The following EIF5B variants were observed in gnomAD, a reference collection of about 807,000 sequenced individuals.
The protein encoded by EIF5B is eIF-5B.
In EIF5B, 47 loss-of-function variants were observed where a neutral mutation model predicts 147.5. The ratio of observed to expected loss-of-function variants is 0.32; its 90% CI spans 0.25 to 0.41. The LOEUF (loss-of-function observed/expected upper bound fraction) is 0.41. Among genes scored for constraint, EIF5B ranks in the 10% least tolerant of loss-of-function variants. The pLI, the probability that EIF5B is intolerant of heterozygous loss-of-function variation, is 1.00. For synonymous variants in EIF5B, 455 were observed against 456.2 expected (o/e 1.00, Z 0.03); for missense variants, 1,064 against 1,413.2 (o/e 0.75, Z 3.96).
intron 1 of EIF5B, among the ~76,000 whole-genome samples, chr2:99,357,201 T>C (rs1003914932): frequency 6.6e-6 from 1 of 152,236 alleles, no homozygotes; most frequent in African/African-American, 2.4e-5. Flanking sequence ...TGTTCTTCAG[T>C]ATTATGTTGA....
intron 1 of EIF5B, among the ~76,000 whole-genome samples, chr2:99,345,323 TG>T (rs1445905214): frequency 6.6e-6 from 1 of 152,198 alleles, no homozygotes; most frequent in African/African-American, 2.4e-5. Context: ...GGCATGGTGG[TG>T]GCTCGTGCCT....
chr2:99,368,949 A>G (rs965774244), intron 7 of EIF5B, among the ~76,000 whole-genome samples: 2 of 152,172 alleles, frequency 1.3e-5, no homozygotes, highest in Admixed American at 6.5e-5. Flanking sequence ...ACATATGACT[A>G]TATTTAAACA....
chr2:99,389,982 T>G (rs1674889517), intron 15 of EIF5B, 133 bp downstream of exon 15: 1 of 1,283,970 alleles, frequency 7.8e-7, no homozygotes. Flanking sequence ...TTTAAATTCT[T>G]CTTCCCTTTT....
chr2:99,362,591 C>T lies in EIF5B; in HGVS notation c.919+771C>T, dbSNP rs375931444. 3.6e-4 allele frequency among the ~76,000 whole-genome samples: 54 copies of T among 151,686 alleles called. 1 individual carries two copies. In the East Asian group the frequency reaches 9.2e-3, roughly 26 times the overall value. ...GCGGGCGCCTGTAGTCCCAGCTACT[C>T]GGGAGGCTGAGGCAGGAGAATGGCG... On this transcript the variant is annotated intron_variant, in intron 4 of 23. Transcript: ENST00000289371.
At chr2:99,378,051 T>G (rs1252800643) in intron 10 of EIF5B, among the ~76,000 whole-genome samples, 1 of 152,206 alleles carries the variant, frequency 6.6e-6, no homozygotes, top group East Asian at 1.9e-4. Flanking sequence ...TTGAGTTGTA[T>G]GTACTGTGAG....
intron 7 of EIF5B, 99 bp downstream of exon 7, chr2:99,368,690 G>A (rs1045837327): frequency 5.9e-6 from 5 of 847,040 alleles, no homozygotes; most frequent in South Asian, 1.7e-5. Context: ...GAAAAAATCC[G>A]AAATGCATAT....
At chr2:99,389,154 CCAGA>C (rs1165093039) in intron 14 of EIF5B, among the ~76,000 whole-genome samples, 3 of 152,068 alleles carry the variant, frequency 2.0e-5, no homozygotes, top group Non-Finnish European at 2.9e-5. Flanking sequence ...GACTCTGTCC[CCAGA>C]CAGATTATGC....
At chr2:99,360,147 A>G in intron 1 of EIF5B, 89 bp from the exon 2 acceptor site, 1 of 1,447,036 alleles carries the variant, frequency 6.9e-7, no homozygotes, top group East Asian at 2.4e-5. Flanking sequence ...CTGCTAATGC[A>G]TGAAAAAGGT....
At chr2:99,379,475 G>GA in intron 12 of EIF5B, 47 bp downstream of exon 12, 2 of 1,412,396 alleles carry the variant, frequency 1.4e-6, no homozygotes, top group Non-Finnish European at 2.0e-6. Context: ...CAAAAATTAA[G>GA]ATATGAACTA....
rs1675336492 is a variant in EIF5B, at chr2:99,401,147, TA to T, written c.*1738del. ...TTGCTTTAAAAGAAATTTAAAATTA[TA>T]AAAACTCCGAGCATTACTATCATGC... On this transcript the variant is annotated 3_prime_UTR_variant, in exon 24 of 24. Transcript: ENST00000289371. 1 of 668,714 alleles carries T rather than the reference TA, an allele frequency of 1.5e-6. No homozygotes were observed. Among genetic ancestry groups the T allele is most frequent in the Non-Finnish European group, 2.5e-6 (1 of 406,966 alleles). The allele number at this position is 668,714 out of a possible 1,614,324, so 41.4% of individuals were successfully genotyped here.
At position 99,337,448 on chromosome 2, in the gene EIF5B, C is replaced by T; in HGVS notation, c.-107C>T. 2 of 1,429,736 alleles carry T rather than the reference C, an allele frequency of 1.4e-6. No individual in the cohort carries two copies. Among genetic ancestry groups the T allele is most frequent in the South Asian group, 1.2e-5 (1 of 81,902 alleles). 88.6% of individuals were successfully genotyped at this position (1,429,736 alleles called of 1,614,324 possible). On this transcript the variant is annotated 5_prime_UTR_variant, in exon 1 of 24. Coordinates refer to ENST00000289371, the MANE Select transcript of EIF5B (RefSeq NM_015904.4). The stretch of plus-strand genomic sequence containing the variant: ...GTGGAGAGCCGGGTGCGAGCGGCGG[C>T]AGCACGAGGGGAAAAGAGCTGAGCG...
intron 1 of EIF5B, among the ~76,000 whole-genome samples, chr2:99,352,651 T>C (rs1673995970): frequency 1.3e-5 from 2 of 151,710 alleles, no homozygotes; most frequent in African/African-American, 2.4e-5. Flanking sequence ...TAATTTTTTT[T>C]CTATTTTTTA....
At chr2:99,399,274 C>A in intron 23 of EIF5B, 33 bp from the exon 24 acceptor site, 1 of 1,599,790 alleles carries the variant, frequency 6.3e-7, no homozygotes, top group Non-Finnish European at 8.6e-7. Flanking sequence ...TTGTTATGTT[C>A]TGTTTACCCT....
chr2:99,395,667 CAT>C (rs1014191958), intron 21 of EIF5B, among the ~76,000 whole-genome samples: 2 of 152,220 alleles, frequency 1.3e-5, no homozygotes, highest in South Asian at 2.1e-4. Context: ...ACAATTGACA[CAT>C]GTTGAGAAGT....
chr2:99,370,291 A>G (rs1265770120), intron 8 of EIF5B, among the ~76,000 whole-genome samples: 5 of 152,142 alleles, frequency 3.3e-5, no homozygotes, highest in Non-Finnish European at 7.3e-5. Flanking sequence ...AACTCTTACG[A>G]CTAGATATTG....
At chr2:99,391,959 G>A (rs1674946527) in intron 17 of EIF5B, among the ~76,000 whole-genome samples, 1 of 151,112 alleles carries the variant, frequency 6.6e-6, no homozygotes, top group Non-Finnish European at 1.5e-5. Flanking sequence ...CTGGGCTCAA[G>A]CAATCCACCC....
intron 17 of EIF5B, among the ~76,000 whole-genome samples, chr2:99,391,046 A>G (rs1471085576): frequency 6.6e-6 from 1 of 152,150 alleles, no homozygotes; most frequent in Non-Finnish European, 1.5e-5. Context: ...ACTCCCCAAA[A>G]ACTTAACTCC....
intron 14 of EIF5B, among the ~76,000 whole-genome samples, chr2:99,385,225 T>G (rs1011840458): frequency 6.6e-6 from 1 of 152,202 alleles, no homozygotes; most frequent in African/African-American, 2.4e-5. Context: ...TTTTTATTTT[T>G]GGTAGAGATG....
Position 99,382,915 on chromosome 2 carries a change from C to G in EIF5B, c.2265C>G (p.Leu755=). Residue 755 remains leucine, a synonymous_variant, in exon 14 of 24, where the codon CTC becomes CTG. Transcript: ENST00000289371. ...AAAAATGTCCCTTCATTGTTGCACT[C>G]AATAAGGTATGTGCGCCTTCTGAAA... The part of the protein sequence containing the change: ...KSKKCPFIVA[L]NKIDRLYDWK... 6.3e-7 allele frequency: 1 copy of G among 1,597,602 alleles called. No individual in the cohort carries two copies. The highest frequency in any genetic ancestry group is 2.2e-5 in the East Asian group (1 of 44,636).
Sources: allele counts gnomAD v4.1 joint callset (sites outside exome capture counted in the v4.1 genomes callset), GRCh38; gene constraint gnomAD v4.1.1; transcripts MANE v1.5; gene names NCBI Gene and HGNC (gene_info 2026-07-23, HGNC 2026-07-21).